The following TCF20 variants were observed in gnomAD, a reference collection of about 807,000 sequenced individuals.
TCF20 encodes the protein transcription factor 20, also known as SPRE-binding protein.
TCF20 carries 3 observed loss-of-function variants against 148.6 expected under a neutral mutation model. The ratio of observed to expected loss-of-function variants is 0.02; its 90% CI spans 0.01 to 0.05. The LOEUF (loss-of-function observed/expected upper bound fraction) is 0.05, where lower values mean the gene tolerates loss of function less well. TCF20 is among the 10% of genes least tolerant of loss of function. The pLI, the probability that TCF20 is intolerant of heterozygous loss-of-function variation, is 1.00. For missense variants in TCF20, 2,350 were observed against 2,429.3 expected (o/e 0.97, Z 0.69); for synonymous variants, 1,049 against 909.5 (o/e 1.15, Z -2.76).
At chr22:42,320,156 C>A (rs1927705845) in intron 1 of TCF20, among the ~76,000 whole-genome samples, 1 of 152,234 alleles carries the variant, frequency 6.6e-6, no homozygotes, top group South Asian at 2.1e-4. Context: ...CCTGCTCACT[C>A]TGCTCCAGTC....
intron 1 of TCF20, among the ~76,000 whole-genome samples, chr22:42,258,880 A>G (rs1239643462): frequency 6.6e-6 from 1 of 152,146 alleles, no homozygotes; most frequent in Non-Finnish European, 1.5e-5. Context: ...AAAACACATA[A>G]AAGAGTTCTC....
intron 2 of TCF20, among the ~76,000 whole-genome samples, chr22:42,206,700 A>G (rs981768828): frequency 1.3e-5 from 2 of 152,186 alleles, no homozygotes; most frequent in Non-Finnish European, 2.9e-5. Flanking sequence ...AAAAGACCGT[A>G]ATTGGGAGAT....
intron 2 of TCF20, among the ~76,000 whole-genome samples, chr22:42,199,292 T>A (rs368692629): frequency 1.3e-5 from 2 of 152,242 alleles, no homozygotes; most frequent in South Asian, 2.1e-4. Context: ...TCTTTTCTTC[T>A]GCCTTTTCCC....
At chr22:42,242,516 T>C (rs893246677) in intron 1 of TCF20, among the ~76,000 whole-genome samples, 2 of 152,150 alleles carry the variant, frequency 1.3e-5, no homozygotes, top group Non-Finnish European at 1.5e-5. Flanking sequence ...GTATACTATA[T>C]AGACGAACTT....
At position 42,265,201 on chromosome 22, in the gene TCF20, G is replaced by C. The variant is rs61658637; in HGVS notation, c.-37+5138C>G. Among the ~76,000 whole-genome samples the C allele has an allele frequency of 2.1e-3, 314 of 152,250 alleles. 5 individuals are homozygous for C. The East Asian group carries it at 0.049, about 24-fold the overall frequency. On this transcript the variant is annotated intron_variant, in intron 1 of 5. Transcript: ENST00000677622. Reference sequence around the variant, plus strand: ...TTTCACCCATACCACATGTACCAAGGGTATTACAGGACTTTCAACAGCCTA... The same window carrying C: ...TTTCACCCATACCACATGTACCAAGCGTATTACAGGACTTTCAACAGCCTA...
chr22:42,233,478 C>G (rs1010097516), intron 1 of TCF20, among the ~76,000 whole-genome samples: 1 of 152,212 alleles, frequency 6.6e-6, no homozygotes, highest in Admixed American at 6.5e-5. Flanking sequence ...GGTCCTTCTG[C>G]GTGAATAATA....
intron 1 of TCF20, among the ~76,000 whole-genome samples, chr22:42,314,074 T>G (rs1927586073): frequency 6.6e-6 from 1 of 152,230 alleles, no homozygotes; most frequent in Non-Finnish European, 1.5e-5. Context: ...ACATAGCGCC[T>G]GCAACAAGGC....
intron 1 of TCF20, among the ~76,000 whole-genome samples, chr22:42,266,818 G>A (rs1926312481): frequency 1.3e-5 from 2 of 152,104 alleles, no homozygotes; most frequent in Non-Finnish European, 1.5e-5. Context: ...ACTAGGTTAT[G>A]GAACCTAAAA....
chr22:42,198,488 G>C (rs1414235833), intron 2 of TCF20, among the ~76,000 whole-genome samples: 1 of 152,144 alleles, frequency 6.6e-6, no homozygotes, highest in African/African-American at 2.4e-5. Context: ...AAATAGCACA[G>C]TATTTGTATA....
chr22:42,195,585 C>A (rs566887790), intron 2 of TCF20, among the ~76,000 whole-genome samples: 3 of 151,688 alleles, frequency 2.0e-5, no homozygotes, highest in Admixed American at 6.6e-5. Context: ...ACTGCAACCT[C>A]CACCTCCCGG....
intron 1 of TCF20, among the ~76,000 whole-genome samples, chr22:42,225,159 C>T (rs1459282538): frequency 1.3e-5 from 2 of 151,934 alleles, no homozygotes; most frequent in Non-Finnish European, 2.9e-5. Context: ...CCACGTCCGG[C>T]TAATTTTTGT....
intron 1 of TCF20, among the ~76,000 whole-genome samples, chr22:42,216,044 C>G (rs148635378): frequency 2.2e-3 from 215 of 98,806 alleles, no homozygotes; most frequent in African/African-American, 5.6e-3. Context: ...CCCAGTTATG[C>G]GGGGGAGGGG....
chr22:42,175,832 G>A (rs978101047), intron 3 of TCF20, among the ~76,000 whole-genome samples: 1 of 152,032 alleles, frequency 6.6e-6, no homozygotes, highest in Non-Finnish European at 1.5e-5. Context: ...TTTTGAGATA[G>A]GGTCTCACTC....
intron 1 of TCF20, among the ~76,000 whole-genome samples, chr22:42,313,865 G>T (rs1414834406): frequency 2.0e-5 from 3 of 152,210 alleles, no homozygotes; most frequent in Admixed American, 6.5e-5. Flanking sequence ...CTCCCAAAGT[G>T]CTGAGGTTAG....
rs116065017 is a variant in TCF20, at chr22:42,319,224, G to A, written c.-37+24255C>T. On this transcript the variant is annotated intron_variant, in intron 1 of 1. Transcript: ENST00000515426. ...CTTGAAGGGTGAAGACTTGGCTGGGGGCTGTGGGAGGACATTCCAAGCAGC... is the reference window on the plus strand; with the variant it reads ...CTTGAAGGGTGAAGACTTGGCTGGGAGCTGTGGGAGGACATTCCAAGCAGC... Among the ~76,000 whole-genome samples, 708 of 152,306 alleles carry A rather than the reference G, an allele frequency of 4.6e-3. 10 individuals are homozygous for A. Among genetic ancestry groups the A allele is most frequent in the African/African-American group, 0.016 (668 of 41,558 alleles).
In TCF20 at chr22:42,299,178, C is replaced by T. The variant is rs982920786; in HGVS notation, c.-37+44301G>A. Among the ~76,000 whole-genome samples the T allele has an allele frequency of 2.0e-5, 3 of 152,148 alleles. No homozygotes were observed. The highest frequency in any genetic ancestry group is 4.4e-5 in the Non-Finnish European group (3 of 68,024). ...AGGCTTCTCTGGCCTTTAGAAGGCACGGGAGGATGGGGGCAAGGGGGCGGT... is the reference window on the plus strand; with the variant it reads ...AGGCTTCTCTGGCCTTTAGAAGGCATGGGAGGATGGGGGCAAGGGGGCGGT... On this transcript the variant is annotated intron_variant, in intron 1 of 1. Coordinates refer to the TCF20 transcript ENST00000515426. The surrounding 1 kb of genome is among the most constrained non-coding windows in gnomAD (Gnocchi z 4.1).
In TCF20 at chr22:42,211,307, G is replaced by C; in HGVS notation, c.3999C>G (p.Leu1333=). The C allele has an allele frequency of 6.2e-7, 1 of 1,614,200 alleles. No homozygotes were observed. Among genetic ancestry groups the C allele is most frequent in the Non-Finnish European group, 8.5e-7 (1 of 1,180,040 alleles). Residue 1333 remains leucine, a synonymous_variant, in exon 2 of 6, where the codon CTC becomes CTG. Transcript: ENST00000677622. ...PDSRNCPAVT[L]TSPAKTKILP... ...GTATTTTGGTCTTAGCAGGGCTTGT[G>C]AGGGTAACAGCAGGGCAGTTTCTAC...
chr22:42,203,676 C>T (rs191124259), intron 2 of TCF20, among the ~76,000 whole-genome samples: 5 of 152,182 alleles, frequency 3.3e-5, no homozygotes, highest in Admixed American at 2.0e-4. Flanking sequence ...GGGAACAGGG[C>T]GCCACCGCCT....
At chr22:42,341,800 C>T (rs1278399303) in intron 1 of TCF20, among the ~76,000 whole-genome samples, 1 of 152,084 alleles carries the variant, frequency 6.6e-6, no homozygotes, top group African/African-American at 2.4e-5. Context: ...AAGATGGAAG[C>T]GTCCTACCAC....
Sources: allele counts gnomAD v4.1 joint callset (sites outside exome capture counted in the v4.1 genomes callset), GRCh38; gene constraint gnomAD v4.1.1; non-coding constraint Gnocchi (gnomAD v3.1); transcripts MANE v1.5; gene names NCBI Gene and HGNC (gene_info 2026-07-23, HGNC 2026-07-21).